CSMD1: variants seen among roughly 807,000 people sequenced by gnomAD.
CSMD1 encodes the protein CUB and sushi domain-containing protein 1.
In CSMD1, 213 loss-of-function variants were observed where a neutral mutation model predicts 417.5. The observed-to-expected ratio is 0.51, with a 90% CI of 0.46 to 0.57. The LOEUF is 0.57. Ranked by LOEUF, CSMD1 falls within the 20% of genes least tolerant of loss-of-function variation. The probability of loss-of-function intolerance (pLI) is 0.00; values close to 1 mark genes in which losing one functional copy is unlikely to be tolerated. For missense variants in CSMD1, 6,923 were observed against 4,529.7 expected, an observed-to-expected ratio of 1.53 and a Z score of -15.17; for synonymous variants, 2,862 against 1,736.8, an observed-to-expected ratio of 1.65 and a Z score of -16.11.
intron 3 of CSMD1, among the ~76,000 whole-genome samples, chr8:4,414,610 C>A (rs1388078514): frequency 6.6e-6 from 1 of 151,798 alleles, no homozygotes; most frequent in Non-Finnish European, 1.5e-5. Context: ...TTTTTTTAAA[C>A]TTCTGCATGC....
rs141211789 is a variant in CSMD1, at chr8:3,500,406, G to C, written c.1345-6680C>G. 5.2e-3 allele frequency among the ~76,000 whole-genome samples: 788 copies of C among 152,210 alleles called. 7 individuals are homozygous for C. The highest frequency in any genetic ancestry group is 0.018 in the African/African-American group (741 of 41,526). The stretch of plus-strand genomic sequence containing the variant: ...TTAGAAAAAAACAGTATGGAGCTTG[G>C]GAGAGGTTCACGACCAGACACACAG... On this transcript the variant is annotated intron_variant, in intron 10 of 69. Coordinates refer to ENST00000635120, the MANE Select transcript of CSMD1 (RefSeq NM_033225.6).
intron 7 of CSMD1, among the ~76,000 whole-genome samples, chr8:3,647,567 T>C (rs1797640801): frequency 6.6e-6 from 1 of 151,982 alleles, no homozygotes; most frequent in Non-Finnish European, 1.5e-5. Flanking sequence ...TAAAGAGAAA[T>C]ACGGCATAAA....
chr8:3,512,191 G>A (rs553687281), intron 10 of CSMD1, among the ~76,000 whole-genome samples: 7 of 152,338 alleles, frequency 4.6e-5, no homozygotes, highest in African/African-American at 9.6e-5. Context: ...TGGCACAGAT[G>A]AGTCTGTCCA....
At chr8:3,482,386 C>A (rs1288107398) in intron 11 of CSMD1, among the ~76,000 whole-genome samples, 3 of 152,024 alleles carry the variant, frequency 2.0e-5, no homozygotes, top group Non-Finnish European at 4.4e-5. Context: ...TAATATCTGA[C>A]AAAGTAGACT....
At chr8:4,760,923 T>C (rs942046647) in intron 1 of CSMD1, among the ~76,000 whole-genome samples, 1 of 152,194 alleles carries the variant, frequency 6.6e-6, no homozygotes, top group African/African-American at 2.4e-5. Context: ...CATATCTTTC[T>C]CAAGCTTATT....
intron 3 of CSMD1, among the ~76,000 whole-genome samples, chr8:4,253,767 A>C (rs1056014418): frequency 6.6e-6 from 1 of 152,024 alleles, no homozygotes; most frequent in African/African-American, 2.4e-5. Flanking sequence ...GAAAAAAAAA[A>C]CAGCTGATGA....
chr8:3,041,839 G>A (rs933403504), intron 50 of CSMD1, among the ~76,000 whole-genome samples: 3 of 152,206 alleles, frequency 2.0e-5, no homozygotes, highest in Non-Finnish European at 4.4e-5. Context: ...CCATGTAGCC[G>A]ACAGTCTGTG....
intron 6 of CSMD1, among the ~76,000 whole-genome samples, chr8:3,718,695 CTAATG>C (rs1563306565): frequency 6.6e-6 from 1 of 152,102 alleles, no homozygotes; most frequent in East Asian, 1.9e-4. Flanking sequence ...GAACTCTTTA[CTAATG>C]TAAAGGGTAA....
intron 3 of CSMD1, among the ~76,000 whole-genome samples, chr8:4,395,207 G>C (rs1804119026): frequency 6.6e-6 from 1 of 152,148 alleles, no homozygotes; most frequent in Non-Finnish European, 1.5e-5. Flanking sequence ...GAGAACATCA[G>C]ACATCTGGCT....
chr8:3,788,778 G>C (rs964559906), intron 5 of CSMD1, among the ~76,000 whole-genome samples: 3 of 152,280 alleles, frequency 2.0e-5, no homozygotes, highest in Non-Finnish European at 1.5e-5. Context: ...GTGTGCATAA[G>C]AGAGTGCAAA....
intron 1 of CSMD1, among the ~76,000 whole-genome samples, chr8:4,649,614 A>G (rs1298983078): frequency 6.6e-6 from 1 of 152,202 alleles, no homozygotes; most frequent in Non-Finnish European, 1.5e-5. Flanking sequence ...CCACTACAAA[A>G]GCAAAGGCCA....
intron 2 of CSMD1, among the ~76,000 whole-genome samples, chr8:4,556,440 C>T (rs1213068836): frequency 6.6e-6 from 1 of 152,204 alleles, no homozygotes; most frequent in Non-Finnish European, 1.5e-5. Flanking sequence ...GAGGACATAT[C>T]GCATCCACAC....
At chr8:3,500,826 T>C (rs915132422) in intron 10 of CSMD1, among the ~76,000 whole-genome samples, 1 of 152,122 alleles carries the variant, frequency 6.6e-6, no homozygotes, top group African/African-American at 2.4e-5. Flanking sequence ...CAGAATGGGA[T>C]GTGAGGAAGC....
chr8:3,617,266 T>C (rs1563202987), intron 7 of CSMD1, among the ~76,000 whole-genome samples: 1 of 152,226 alleles, frequency 6.6e-6, no homozygotes, highest in Non-Finnish European at 1.5e-5. Flanking sequence ...GAAGTGCTTA[T>C]CATTGAACTA....
chr8:3,121,498 G>A (rs923012644), intron 41 of CSMD1, among the ~76,000 whole-genome samples: 9 of 152,156 alleles, frequency 5.9e-5, no homozygotes, highest in Admixed American at 3.3e-4. Context: ...CTCCCAGAGC[G>A]GGAGAGGAGG....
chr8:3,202,163 G>A (rs540333413), intron 31 of CSMD1, among the ~76,000 whole-genome samples: 1 of 152,062 alleles, frequency 6.6e-6, no homozygotes, highest in African/African-American at 2.4e-5. Context: ...GTGAGACTCT[G>A]TCTCAAGAAA....
chr8:4,557,464 T>A (rs558581079), intron 2 of CSMD1, among the ~76,000 whole-genome samples: 1 of 152,250 alleles, frequency 6.6e-6, no homozygotes, highest in Non-Finnish European at 1.5e-5. Flanking sequence ...AATACATTTT[T>A]AAAAGCACAT....
chr8:4,637,536 G>C lies in CSMD1; in HGVS notation c.108C>G (p.Val36=), dbSNP rs1481626112. 1.2e-6 allele frequency: 2 copies of C among 1,612,964 alleles called. No homozygotes were observed. The highest frequency in any genetic ancestry group is 1.7e-6 in the Non-Finnish European group (2 of 1,179,590). The change falls in exon 2 of 70, where the codon GTC becomes GTG. Residue 36 remains valine, a synonymous_variant. Coordinates refer to ENST00000635120, the MANE Select transcript of CSMD1 (RefSeq NM_033225.6). The part of the protein sequence containing the change: ...AAKGQNCGGL[V]QGPNGTIESP... ...TCTCAATAGTGCCATTGGGACCCTG[G>C]ACTAAGCCTCCACAGTTCTGACCTG...
At chr8:4,691,506 C>T (rs1242045134) in intron 1 of CSMD1, among the ~76,000 whole-genome samples, 3 of 152,102 alleles carry the variant, frequency 2.0e-5, no homozygotes, top group Admixed American at 6.5e-5. Flanking sequence ...TATTTTTCCC[C>T]GCTTCTGACC....
Sources: allele counts gnomAD v4.1 joint callset (sites outside exome capture counted in the v4.1 genomes callset), GRCh38; gene constraint gnomAD v4.1.1; transcripts MANE v1.5; gene names NCBI Gene and HGNC (gene_info 2026-07-23, HGNC 2026-07-21).